ERGIC1: variants seen among roughly 807,000 people sequenced by gnomAD.
ERGIC1 encodes endoplasmic reticulum-Golgi intermediate compartment protein 1.
Under a neutral mutation model 38.3 loss-of-function variants are expected in ERGIC1, and 19 were observed. That is an observed-to-expected ratio of 0.50 (90% CI 0.35 to 0.73). The LOEUF is 0.73. Among genes scored for constraint, ERGIC1 ranks in the 30% least tolerant of loss-of-function variants. The pLI is 0.01. For synonymous variants in ERGIC1, 124 were observed against 157.6 expected (o/e 0.79, Z 1.60); for missense variants, 294 against 389.2 (o/e 0.76, Z 2.06).
rs962256196 is a variant in ERGIC1 at position 172,845,406 on chromosome 5, G to A, written c.20+10973G>A. ...GCGTGCAGCACTTCCTGTGGGCAGC[G>A]GGCAGGGCTGGTCCTCTTGCCGGAG... On this transcript the variant is annotated intron_variant, in intron 1 of 9. Transcript: ENST00000393784. Among the ~76,000 whole-genome samples the A allele has an allele frequency of 2.6e-5, 4 of 152,178 alleles. No homozygotes were observed. The South Asian group carries it at 8.3e-4, about 31-fold the overall frequency.
chr5:172,952,382 C>T lies in ERGIC1; in HGVS notation c.*1566C>T, dbSNP rs935171318. 7.6e-6 allele frequency: 1 copy of T among 130,792 alleles called. No homozygotes were observed. Among genetic ancestry groups the T allele is most frequent in the African/African-American group, 2.9e-5 (1 of 34,876 alleles). 8.1% of individuals were successfully genotyped at this position (130,792 alleles called of 1,614,324 possible). ...GTGGCCACTTGGATGGATTTTTTTA[C>T]ATTCTGTTCCCCAGTTACAGGAAGG... On this transcript the variant is annotated 3_prime_UTR_variant, in exon 10 of 10. Transcript: ENST00000393784.
intron 1 of ERGIC1, among the ~76,000 whole-genome samples, chr5:172,880,338 T>C (rs767677854): frequency 6.6e-6 from 1 of 152,134 alleles, no homozygotes; most frequent in Non-Finnish European, 1.5e-5. Context: ...TATTTACTTA[T>C]TCTTGAGACA....
intron 3 of ERGIC1, among the ~76,000 whole-genome samples, chr5:172,904,107 CCT>C (rs1762960033): frequency 6.6e-6 from 1 of 152,194 alleles, no homozygotes; most frequent in Non-Finnish European, 1.5e-5. Flanking sequence ...TCCTTATTTT[CCT>C]CTTTTTCTCT....
chr5:172,915,306 G>GTT (rs2113411405), intron 5 of ERGIC1: 1 of 525,368 alleles, frequency 1.9e-6, no homozygotes, highest in East Asian at 3.5e-5. Context: ...CACGTTCTGT[G>GTT]TTCCAGGGTC....
At chr5:172,839,120 A>C (rs1761096740) in intron 1 of ERGIC1, among the ~76,000 whole-genome samples, 2 of 151,890 alleles carry the variant, frequency 1.3e-5, no homozygotes. Context: ...ACATACCTGT[A>C]ATCCCAGCTC....
intron 3 of ERGIC1, among the ~76,000 whole-genome samples, chr5:172,902,190 C>G (rs1250421641): frequency 6.6e-6 from 1 of 152,060 alleles, no homozygotes; most frequent in Admixed American, 6.5e-5. Context: ...CTTGGATGCA[C>G]CCTTCTAGGG....
intron 1 of ERGIC1, among the ~76,000 whole-genome samples, chr5:172,836,620 G>A (rs987088411): frequency 5.3e-5 from 8 of 152,164 alleles, no homozygotes; most frequent in Non-Finnish European, 7.3e-5. Context: ...ACCTTCCTCC[G>A]CTTCAGTGTG....
intron 5 of ERGIC1, chr5:172,922,346 T>C (rs1262843581): frequency 6.6e-6 from 1 of 152,364 alleles, no homozygotes; most frequent in Non-Finnish European, 1.5e-5. Flanking sequence ...AAAAAGTGTC[T>C]ATTGAGCACC....
At chr5:172,842,397 G>T (rs910970120) in intron 1 of ERGIC1, among the ~76,000 whole-genome samples, 21 of 152,160 alleles carry the variant, frequency 1.4e-4, no homozygotes, top group African/African-American at 5.1e-4. Context: ...ATTTCAAGGT[G>T]TATATATACC....
At chr5:172,877,456 A>AT (rs1561713693) in intron 1 of ERGIC1, among the ~76,000 whole-genome samples, 18 of 79,760 alleles carry the variant, frequency 2.3e-4, no homozygotes, top group Admixed American at 3.6e-4. Flanking sequence ...ATATATATAT[A>AT]TATTTTTTTT....
intron 1 of ERGIC1, among the ~76,000 whole-genome samples, chr5:172,872,679 G>T (rs896069813): frequency 1.3e-5 from 2 of 152,204 alleles, no homozygotes; most frequent in Non-Finnish European, 2.9e-5. Flanking sequence ...GCCTGGTGTG[G>T]TGGCACATGC....
chr5:172,859,763 C>T (rs1009957999), intron 1 of ERGIC1, among the ~76,000 whole-genome samples: 1 of 152,218 alleles, frequency 6.6e-6, no homozygotes, highest in Non-Finnish European at 1.5e-5. Context: ...ACAGCCTGCC[C>T]AGCTGTACAC....
At chr5:172,884,256 T>G (rs6879249) in intron 1 of ERGIC1, among the ~76,000 whole-genome samples, 5,097 of 135,600 alleles carry the variant, frequency 0.038, 308 homozygotes, top group African/African-American at 0.12. Context: ...TTTTTTTTTT[T>G]TTTTTTTTTT....
intron 5 of ERGIC1, 81 bp downstream of exon 5, chr5:172,914,919 G>C (rs1763320476): frequency 6.3e-7 from 1 of 1,590,488 alleles, no homozygotes; most frequent in African/African-American, 1.3e-5. Flanking sequence ...GGTTGTGGAG[G>C]CACTCACTCG....
intron 4 of ERGIC1, among the ~76,000 whole-genome samples, chr5:172,913,697 T>C (rs536665754): frequency 8.5e-5 from 13 of 152,334 alleles, no homozygotes; most frequent in African/African-American, 2.9e-4. Flanking sequence ...ATCTCACCAC[T>C]GGCTACTTGG....
chr5:172,858,264 G>A (rs538598325), intron 1 of ERGIC1, among the ~76,000 whole-genome samples: 2 of 152,360 alleles, frequency 1.3e-5, no homozygotes, highest in East Asian at 1.9e-4. Flanking sequence ...TGGACAGAGA[G>A]CTGGGGAGTG....
chr5:172,943,521 C>A (rs1764056550), intron 9 of ERGIC1, among the ~76,000 whole-genome samples: 1 of 152,206 alleles, frequency 6.6e-6, no homozygotes, highest in Non-Finnish European at 1.5e-5. Flanking sequence ...CTCCTCCACA[C>A]GCTTTTAAAG....
chr5:172,899,143 C>T (rs930345474), intron 3 of ERGIC1, among the ~76,000 whole-genome samples: 2 of 151,944 alleles, frequency 1.3e-5, no homozygotes, highest in Admixed American at 6.6e-5. Flanking sequence ...GGGCAGGACA[C>T]CAGCAGGTGC....
At chr5:172,927,913 T>C (rs546456878) in intron 7 of ERGIC1, among the ~76,000 whole-genome samples, 15 of 152,228 alleles carry the variant, frequency 9.9e-5, no homozygotes, top group Non-Finnish European at 1.8e-4. Context: ...ATAATGCCTC[T>C]GATATGTACA....
Sources: gnomAD v4.1 joint callset for allele counts (sites outside exome capture counted in the v4.1 genomes callset) on GRCh38, gnomAD v4.1.1 for gene constraint, MANE v1.5 for transcripts, NCBI Gene and HGNC (gene_info 2026-07-23, HGNC 2026-07-21) for gene names.